The following ZNF540 variants were observed in gnomAD, a reference collection of about 807,000 sequenced individuals.
ZNF540 encodes the protein CTD-3064H18.6.
A neutral mutation model predicts 11.8 loss-of-function variants in ZNF540; 3 were observed. The observed-to-expected ratio is 0.25, with a 90% CI of 0.12 to 0.65. ZNF540 has a LOEUF of 0.65. Ranked by LOEUF, ZNF540 falls within the 30% of genes least tolerant of loss-of-function variation. The probability of loss-of-function intolerance (pLI) is 0.83; values close to 1 mark genes in which losing one functional copy is unlikely to be tolerated. For synonymous variants in ZNF540, 247 were observed against 259.0 expected (o/e 0.95, Z 0.45); for missense variants, 709 against 793.1 (o/e 0.89, Z 1.27).
At chr19:37,552,031 TA>T (rs1230825128) in intron 1 of ZNF540, among the ~76,000 whole-genome samples, 1 of 152,166 alleles carries the variant, frequency 6.6e-6, no homozygotes, top group African/African-American at 2.4e-5. Context: ...AGTGGGAACT[TA>T]AACCATTGAT....
rs759946765 is a variant in ZNF540 at position 37,598,459 on chromosome 19, A to C, written c.9+3A>C. ...GTGAGTGTAAAACCATGGCCCATGT[A>C]AGTCACAGTTTCTCTTTCCTTTTTA... On this transcript the variant is annotated splice_donor_region_variant and intron_variant, in intron 2 of 4. Coordinates refer to ENST00000316433, the MANE Select transcript of ZNF540 (RefSeq NM_001172225.3). The C allele has an allele frequency of 1.9e-6, 3 of 1,613,962 alleles. No individual in the cohort carries two copies. The South Asian group carries it at 3.3e-5, about 18-fold the overall frequency.
intron 4 of ZNF540, among the ~76,000 whole-genome samples, chr19:37,603,660 T>C (rs2044057936): frequency 7.2e-6 from 1 of 138,856 alleles, no homozygotes; most frequent in African/African-American, 2.5e-5. Context: ...TTTCTGTTAA[T>C]CAGGAGTTAA....
intron 1 of ZNF540, among the ~76,000 whole-genome samples, chr19:37,582,589 C>T (rs562559320): frequency 6.6e-6 from 1 of 152,286 alleles, no homozygotes; most frequent in South Asian, 2.1e-4. Flanking sequence ...TCCTGACTAT[C>T]CCCTCCACCC....
rs1391805589 is a variant in ZNF540 at position 37,583,803 on chromosome 19, A to T, written c.-72-14573A>T. 3 of 599,014 alleles carry T rather than the reference A, an allele frequency of 5.0e-6. No individual in the cohort carries two copies. In the African/African-American group the frequency reaches 5.6e-5, roughly 11 times the overall value. The allele number at this position is 599,014 out of a possible 1,614,324, so 37.1% of individuals were successfully genotyped here. On this transcript the variant is annotated intron_variant, in intron 1 of 4. Transcript: ENST00000592533. ...CACTGACAGGAAGTGACAGAGAAAG[A>T]TGTGACAGTCTAAAGGATAAGAGAT...
At chr19:37,601,810 C>T (rs1174507657) in intron 4 of ZNF540, among the ~76,000 whole-genome samples, 2 of 152,242 alleles carry the variant, frequency 1.3e-5, no homozygotes, top group Admixed American at 6.5e-5. Flanking sequence ...GTTTGAAGAA[C>T]TGGAAAAGCT....
At chr19:37,592,191 G>T (rs776110040), upstream of ZNF540, among the ~76,000 whole-genome samples, 3 of 152,054 alleles carry the variant, frequency 2.0e-5, no homozygotes, top group Non-Finnish European at 4.4e-5. Context: ...CTGGGAGGTG[G>T]ATGCTGCAGT....
intron 4 of ZNF540, among the ~76,000 whole-genome samples, chr19:37,606,602 T>C (rs1364073533): frequency 1.3e-5 from 2 of 152,208 alleles, no homozygotes; most frequent in African/African-American, 4.8e-5. Flanking sequence ...ACCTGTCTTT[T>C]TGAGAACAGC....
chr19:37,607,138 C>T (rs1284865193), intron 4 of ZNF540, among the ~76,000 whole-genome samples: 1 of 151,642 alleles, frequency 6.6e-6, no homozygotes, highest in African/African-American at 2.4e-5. Flanking sequence ...TCTGGAGTAA[C>T]TTTCTATTAA....
chr19:37,612,852 A>C lies in ZNF540; in HGVS notation c.1572A>C (p.Lys524Asn). The stretch of plus-strand genomic sequence containing the variant: ...TTCACACTGGTGAAAAGCCCTATAA[A>C]TGTAAAGAATGTGGAAAGGCCTTTA... ...QRIHTGEKPYKCKECGKAFIR... is the reference protein window; with the variant it reads ...QRIHTGEKPYNCKECGKAFIR... Residue 524 changes from lysine (K) to asparagine (N), a missense_variant, in exon 5 of 5, where the codon AAA becomes AAC. Transcript: ENST00000316433. 1.2e-6 allele frequency: 2 copies of C among 1,613,768 alleles called. No homozygotes were observed. The highest frequency in any genetic ancestry group is 1.7e-6 in the Non-Finnish European group (2 of 1,179,932).
intron 1 of ZNF540, chr19:37,560,614 C>G (rs1399549328): frequency 6.6e-6 from 1 of 152,040 alleles, no homozygotes; most frequent in Non-Finnish European, 1.5e-5. Context: ...CATGATCCAC[C>G]AGCCTCAGCC....
intron 1 of ZNF540, chr19:37,564,720 C>G (rs1319754486): frequency 6.2e-7 from 1 of 1,613,562 alleles, no homozygotes; most frequent in South Asian, 1.1e-5. Context: ...AGTTCTGAGC[C>G]ACGACTAAAG....
intron 1 of ZNF540, among the ~76,000 whole-genome samples, chr19:37,589,200 CAAAAAAAA>C (rs35689698): frequency 1.9e-4 from 21 of 108,900 alleles, no homozygotes; most frequent in Non-Finnish European, 2.5e-4. Flanking sequence ...AACTCCGTCT[CAAAAAAAA>C]AAAAAAAAAA....
At chr19:37,607,748 TTGAATAAAGCTGCTATA>T (rs2147232245) in intron 4 of ZNF540, among the ~76,000 whole-genome samples, 1 of 152,352 alleles carries the variant, frequency 6.6e-6, no homozygotes, top group African/African-American at 2.4e-5. Flanking sequence ...ATTGGAAGTT[TTGAATAAAGCTGCTATA>T]TGCATTTGTG....
intron 1 of ZNF540, chr19:37,563,640 T>C (rs10409690): frequency 2.3e-4 from 34 of 150,416 alleles, no homozygotes; most frequent in Non-Finnish European, 3.0e-5. Flanking sequence ...ATGTGGAATA[T>C]ATACACACGT....
intron 1 of ZNF540, among the ~76,000 whole-genome samples, chr19:37,570,360 A>T (rs2043010247): frequency 6.6e-6 from 1 of 152,140 alleles, no homozygotes; most frequent in Non-Finnish European, 1.5e-5. Context: ...AACTTTGAGC[A>T]CACTACTTGG....
At chr19:37,607,035 AT>A (rs2044090757) in intron 4 of ZNF540, among the ~76,000 whole-genome samples, 1 of 152,044 alleles carries the variant, frequency 6.6e-6, no homozygotes, top group Non-Finnish European at 1.5e-5. Context: ...TTCTTTATAT[AT>A]CTTATAATCA....
intron 1 of ZNF540, chr19:37,586,045 T>A (rs763405866): frequency 3.3e-5 from 5 of 152,256 alleles, no homozygotes; most frequent in Non-Finnish European, 5.9e-5. Flanking sequence ...GCTAATACTA[T>A]GATATTAGCC....
intron 4 of ZNF540, among the ~76,000 whole-genome samples, chr19:37,601,473 G>A (rs1259389030): frequency 1.3e-5 from 2 of 152,074 alleles, no homozygotes; most frequent in Non-Finnish European, 2.9e-5. Flanking sequence ...TATATTTACC[G>A]AGTGCTCACT....
intron 1 of ZNF540, among the ~76,000 whole-genome samples, chr19:37,568,310 A>T (rs2042933114): frequency 7.8e-6 from 1 of 128,626 alleles, no homozygotes; most frequent in Non-Finnish European, 1.6e-5. Flanking sequence ...TAAAAACAAA[A>T]GCAACTACCC....
Sources: allele counts gnomAD v4.1 joint callset (sites outside exome capture counted in the v4.1 genomes callset), GRCh38; gene constraint gnomAD v4.1.1; transcripts MANE v1.5; gene names NCBI Gene and HGNC (gene_info 2026-07-23, HGNC 2026-07-21).